GPATCH2: variants seen among roughly 807,000 people sequenced by gnomAD.
The protein encoded by GPATCH2 is G patch domain-containing protein 2.
GPATCH2 carries 51 observed loss-of-function variants against 58.0 expected under a neutral mutation model. That is an observed-to-expected ratio of 0.88 (90% CI 0.70 to 1.11). The LOEUF (loss-of-function observed/expected upper bound fraction) is 1.11. Among genes scored for constraint, GPATCH2 ranks in the 50% most tolerant of loss-of-function variants. GPATCH2 has a pLI of 0.00. For synonymous variants in GPATCH2, 222 were observed against 218.5 expected, an observed-to-expected ratio of 1.02 and a Z score of -0.14; for missense variants, 625 against 652.2, an observed-to-expected ratio of 0.96 and a Z score of 0.45.
At chr1:217,567,841 G>T (rs1365306786) in intron 5 of GPATCH2, among the ~76,000 whole-genome samples, 4 of 152,200 alleles carry the variant, frequency 2.6e-5, no homozygotes, top group African/African-American at 7.2e-5. Flanking sequence ...TTATGGCCAG[G>T]CGTGGTGGCT....
At chr1:217,505,771 G>C (rs1662522657) in intron 6 of GPATCH2, among the ~76,000 whole-genome samples, 1 of 152,080 alleles carries the variant, frequency 6.6e-6, no homozygotes, top group Non-Finnish European at 1.5e-5. Flanking sequence ...TAATATGGTA[G>C]CCACTAGCCA....
In GPATCH2 at chr1:217,493,501, T is replaced by G. The variant is rs1268192947; in HGVS notation, c.1207-1751A>C. Among the ~76,000 whole-genome samples the G allele has an allele frequency of 3.9e-5, 6 of 152,062 alleles. No individual in the cohort carries two copies. The East Asian group carries it at 1.2e-3, about 29-fold the overall frequency. On this transcript the variant is annotated intron_variant, in intron 7 of 9. Transcript: ENST00000366935. The stretch of plus-strand genomic sequence containing the variant: ...ATGCACTGTGTCTGGAGCATTTTAG[T>G]GCTCAGCAAATATTTGCTGAATGAA...
At chr1:217,510,939 A>AG (rs1662818466) in intron 6 of GPATCH2, among the ~76,000 whole-genome samples, 1 of 151,924 alleles carries the variant, frequency 6.6e-6, no homozygotes, top group Non-Finnish European at 1.5e-5. Flanking sequence ...CTAAAAAAAT[A>AG]CAAAAAAAAT....
At chr1:217,474,263 T>A (rs1363702497) in intron 8 of GPATCH2, among the ~76,000 whole-genome samples, 5 of 152,144 alleles carry the variant, frequency 3.3e-5, no homozygotes, top group Non-Finnish European at 7.4e-5. Context: ...ATTGATGAAG[T>A]AGAACTTCCT....
chr1:217,588,929 G>A (rs570358583), intron 5 of GPATCH2, among the ~76,000 whole-genome samples: 5 of 152,244 alleles, frequency 3.3e-5, no homozygotes, highest in African/African-American at 9.6e-5. Context: ...ACTAATAACA[G>A]TTATGCAGTC....
At position 217,575,122 on chromosome 1, in the gene GPATCH2, T is replaced by C. The variant is rs137894759; in HGVS notation, c.1098+35199A>G. On this transcript the variant is annotated intron_variant, in intron 5 of 9. Transcript: ENST00000366935. ...CTTAAGGTTCCTTCAGTCATATCAATGAGGAATAAAGACAAAATGCTCAAA... is the reference window on the plus strand; with the variant it reads ...CTTAAGGTTCCTTCAGTCATATCAACGAGGAATAAAGACAAAATGCTCAAA... Among the ~76,000 whole-genome samples, 13 of 152,294 alleles carry C rather than the reference T, an allele frequency of 8.5e-5. No homozygotes were observed. The East Asian group carries it at 1.7e-3, about 20-fold the overall frequency.
intron 8 of GPATCH2, among the ~76,000 whole-genome samples, chr1:217,458,099 G>A (rs1262536850): frequency 6.6e-6 from 1 of 152,038 alleles, no homozygotes; most frequent in Non-Finnish European, 1.5e-5. Context: ...GCGTGGTCGC[G>A]GGCGCCTGTA....
At chr1:217,539,908 G>GA (rs11403263) in intron 5 of GPATCH2, among the ~76,000 whole-genome samples, 97,290 of 151,908 alleles carry the variant, frequency 0.64, 32,098 homozygotes, top group East Asian at 0.92. Context: ...AAAACTTAAT[G>GA]ATATACATCT....
intron 3 of GPATCH2, among the ~76,000 whole-genome samples, chr1:217,612,255 T>C (rs754225758): frequency 3.3e-5 from 5 of 152,080 alleles, no homozygotes; most frequent in Non-Finnish European, 7.4e-5. Context: ...CTGCGATTCA[T>C]TAAAGTCTCC....
At chr1:217,592,542 A>G (rs894723712) in intron 5 of GPATCH2, among the ~76,000 whole-genome samples, 1 of 151,926 alleles carries the variant, frequency 6.6e-6, no homozygotes, top group African/African-American at 2.4e-5. Flanking sequence ...GAAAAAATCT[A>G]ATTTAAGTAA....
intron 8 of GPATCH2, among the ~76,000 whole-genome samples, chr1:217,472,291 A>G (rs907712273): frequency 5.4e-5 from 8 of 147,354 alleles, no homozygotes; most frequent in Non-Finnish European, 1.2e-4. Flanking sequence ...CATGTTTTCA[A>G]CAGACTTTTT....
At position 217,588,841 on chromosome 1, in the gene GPATCH2, G is replaced by C. The variant is rs111493417; in HGVS notation, c.1098+21480C>G. ...CCAAGGGAGATAACAATTTCATGGA[G>C]AGAACAAGTTAAAGAAATATCCCAC... On this transcript the variant is annotated intron_variant, in intron 5 of 9. Coordinates refer to ENST00000366935, the MANE Select transcript of GPATCH2 (RefSeq NM_018040.5). Among the ~76,000 whole-genome samples, 633 of 152,238 alleles carry C rather than the reference G, an allele frequency of 4.2e-3. 4 individuals carry two copies. Among genetic ancestry groups the C allele is most frequent in the African/African-American group, 0.015 (607 of 41,550 alleles).
At chr1:217,561,319 A>AGCT (rs1490413638) in intron 5 of GPATCH2, among the ~76,000 whole-genome samples, 1 of 152,190 alleles carries the variant, frequency 6.6e-6, no homozygotes, top group Non-Finnish European at 1.5e-5. Flanking sequence ...TGACAGGAGG[A>AGCT]GCTCTGGTGT....
At chr1:217,583,570 C>CAAAAAAAAAAAAA (rs60392448) in intron 5 of GPATCH2, among the ~76,000 whole-genome samples, 1 of 65,232 alleles carries the variant, frequency 1.5e-5, no homozygotes. Flanking sequence ...GACTCTGTCT[C>CAAAAAAAAAAAAA]AAAAAAAAAA....
intron 5 of GPATCH2, among the ~76,000 whole-genome samples, chr1:217,593,553 C>A (rs189318338): frequency 1.3e-5 from 2 of 151,962 alleles, no homozygotes; most frequent in Non-Finnish European, 2.9e-5. Flanking sequence ...TGGCTCTGTA[C>A]CACTCTTCCT....
rs563000008 is a variant in GPATCH2, at chr1:217,429,826, A to C, written c.*1319T>G. ...CTGGGCGACAGAGGCAGACTCTGTC[A>C]AAAAAAAAAAAAAAAAAAAAGAAAC... On this transcript the variant is annotated 3_prime_UTR_variant, in exon 10 of 10. Coordinates refer to ENST00000366935, the MANE Select transcript of GPATCH2 (RefSeq NM_018040.5). 59 of 40,804 alleles carry C rather than the reference A, an allele frequency of 1.4e-3. No individual in the cohort carries two copies. The highest frequency in any genetic ancestry group is 6.4e-3 in the African/African-American group (55 of 8,620). The allele number at this position is 40,804 out of a possible 1,614,324, so 2.5% of individuals were successfully genotyped here. A position where few individuals can be genotyped will look rare whatever the true frequency, so the allele number is the denominator to read the frequency against.
chr1:217,535,072 C>T (rs1191367631), intron 5 of GPATCH2, among the ~76,000 whole-genome samples: 2 of 152,080 alleles, frequency 1.3e-5, no homozygotes, highest in African/African-American at 4.8e-5. Context: ...TAGTAAGGAC[C>T]CAATAATGCT....
At chr1:217,606,204 C>G (rs1668354390) in intron 5 of GPATCH2, among the ~76,000 whole-genome samples, 1 of 150,882 alleles carries the variant, frequency 6.6e-6, no homozygotes, top group African/African-American at 2.4e-5. Context: ...ATCATTTAAG[C>G]TATTCATTTA....
intron 8 of GPATCH2, among the ~76,000 whole-genome samples, chr1:217,451,582 T>C (rs1659668042): frequency 6.6e-6 from 1 of 152,232 alleles, no homozygotes; most frequent in South Asian, 2.1e-4. Flanking sequence ...ACCCACTTTA[T>C]ATCCATATGA....
Sources: allele counts gnomAD v4.1 joint callset (sites outside exome capture counted in the v4.1 genomes callset), GRCh38; gene constraint gnomAD v4.1.1; transcripts MANE v1.5; gene names NCBI Gene and HGNC (gene_info 2026-07-23, HGNC 2026-07-21).